The following ZNF318 variants were observed in gnomAD, a reference collection of about 807,000 sequenced individuals.
The protein encoded by ZNF318 is zinc finger protein 318.
ZNF318 carries 51 observed loss-of-function variants against 124.2 expected under a neutral mutation model. The observed-to-expected ratio is 0.41, with a 90% CI of 0.33 to 0.52. ZNF318 has a LOEUF of 0.52. ZNF318 is among the 20% of genes least tolerant of loss of function. ZNF318 has a pLI of 0.23. For missense variants in ZNF318, 2,815 were observed against 2,811.2 expected, an observed-to-expected ratio of 1.00 and a Z score of -0.03; for synonymous variants, 1,090 against 1,040.7, an observed-to-expected ratio of 1.05 and a Z score of -0.91.
intron 2 of ZNF318, among the ~76,000 whole-genome samples, chr6:43,365,028 C>G (rs898590408): frequency 6.6e-6 from 1 of 152,138 alleles, no homozygotes; most frequent in Non-Finnish European, 1.5e-5. Context: ...TGATTATGTC[C>G]CCTCAGCCTC....
At position 43,356,711 on chromosome 6, in the gene ZNF318, A is replaced by G. The variant is rs562649001; in HGVS notation, c.1188+415T>C. Among the ~76,000 whole-genome samples, 23 of 152,260 alleles carry G rather than the reference A, an allele frequency of 1.5e-4. No individual in the cohort carries two copies. In the South Asian group the frequency reaches 4.4e-3, roughly 29 times the overall value. On this transcript the variant is annotated intron_variant, in intron 3 of 9. Transcript: ENST00000361428. ...AAGTTGGTGGCAGAAGTGGGTCCAA[A>G]ATCAGAATCATCTGATTTCTAGTCC...
intron 1 of ZNF318, 93 bp from the exon 2 acceptor site, chr6:43,365,533 A>G: frequency 7.5e-7 from 1 of 1,326,550 alleles, no homozygotes; most frequent in Non-Finnish European, 1.0e-6. Context: ...TTAGCCAGGC[A>G]TGGTGGCTCA....
Position 43,369,349 on chromosome 6 carries a change from G to A in ZNF318, c.17C>T (p.Ala6Val). 7.5e-7 allele frequency: 1 copy of A among 1,333,760 alleles called. No individual in the cohort carries two copies. The highest frequency in any genetic ancestry group is 9.7e-7 in the Non-Finnish European group (1 of 1,034,796). 82.6% of individuals were successfully genotyped at this position (1,333,760 alleles called of 1,614,324 possible). MYRSSARSSVSSHRPK... is the reference protein window; with the variant it reads MYRSSVRSSVSSHRPK... ...CCGGTGGGAAGAGACGGAGGAGCGAGCGCTGCTGCGGTACATGGTTCTTGC... is the reference window on the plus strand; with the variant it reads ...CCGGTGGGAAGAGACGGAGGAGCGAACGCTGCTGCGGTACATGGTTCTTGC... The change falls in exon 1 of 10, where the codon GCT becomes GTT. Residue 6 changes from alanine to valine, a missense_variant. Ala to Val is a moderately conservative substitution (Grantham distance 64). Around this residue, in one of 4 missense-constraint regions of ZNF318, gnomAD observed 1,377 missense variants for 1,353.5 expected, o/e 1.02. Coordinates refer to ENST00000361428, the MANE Select transcript of ZNF318 (RefSeq NM_014345.3).
At chr6:43,365,547 C>CA in intron 1 of ZNF318, 107 bp from the exon 2 acceptor site, 3 of 1,160,656 alleles carry the variant, frequency 2.6e-6, no homozygotes, top group Non-Finnish European at 3.6e-6. Flanking sequence ...TGGCTCATGC[C>CA]TGTATACCCA....
At position 43,339,021 on chromosome 6, in the gene ZNF318, T is replaced by C. The variant is rs192331212; in HGVS notation, c.4977A>G (p.Val1659=). 261 of 1,614,222 alleles carry C rather than the reference T, an allele frequency of 1.6e-4. 6 individuals carry two copies. The East Asian group carries it at 4.2e-3, about 26-fold the overall frequency. Reference sequence around the variant, plus strand: ...CTGTGCTTTTTGGGCCTACATGTTCTACAACTGACCATTTCCCTAGGGCCA... The same window carrying C: ...CTGTGCTTTTTGGGCCTACATGTTCCACAACTGACCATTTCCCTAGGGCCA... ...TLVALGKWSV[V]EHVGPKSTGS... is the part of the protein sequence containing the mutation. Residue 1659 remains valine, a synonymous_variant, in exon 10 of 10, where the codon GTA becomes GTG. Coordinates refer to ENST00000361428, the MANE Select transcript of ZNF318 (RefSeq NM_014345.3). The surrounding 1 kb of genome is among the most constrained non-coding windows in gnomAD (Gnocchi z 4.2).
intron 4 of ZNF318, among the ~76,000 whole-genome samples, chr6:43,353,380 T>TC (rs1046516443): frequency 9.8e-6 from 1 of 102,264 alleles, no homozygotes; most frequent in Non-Finnish European, 1.9e-5. Flanking sequence ...TCAGAACTTT[T>TC]TTTTTTTTTT....
chr6:43,356,966 C>T (rs1276885325), intron 3 of ZNF318, among the ~76,000 whole-genome samples, 160 bp downstream of exon 3: 2 of 152,134 alleles, frequency 1.3e-5, no homozygotes, highest in Non-Finnish European at 2.9e-5. Context: ...CATTAAAAGG[C>T]CTACAGTTTC....
Position 43,348,528 on chromosome 6 carries a change from A to C in ZNF318, c.2868T>G (p.Ile956Met). ...SRLQDNIMKD[I>M]AELRQEAEEA... Reference sequence around the variant, plus strand: ...CTTCTGCCTCTTGCCGTAGCTCTGCAATGTCCTTCATAATGTTATCCTGAA... The same window carrying C: ...CTTCTGCCTCTTGCCGTAGCTCTGCCATGTCCTTCATAATGTTATCCTGAA... Residue 956 changes from isoleucine to methionine, a missense_variant, in exon 6 of 10, where the codon ATT (isoleucine) becomes ATG (methionine). By Grantham distance (10) the Ile-to-Met change is conservative (BLOSUM62 1). Coordinates refer to ENST00000361428, the MANE Select transcript of ZNF318 (RefSeq NM_014345.3). The C allele has an allele frequency of 6.2e-7, 1 of 1,614,148 alleles. No homozygotes were observed. The highest frequency in any genetic ancestry group is 8.5e-7 in the Non-Finnish European group (1 of 1,180,026).
chr6:43,343,685 C>T (rs767391149), intron 6 of ZNF318, among the ~76,000 whole-genome samples: 1 of 151,704 alleles, frequency 6.6e-6, no homozygotes, highest in Non-Finnish European at 1.5e-5. Context: ...AAAAATTACC[C>T]GGGCATGGTG....
At chr6:43,364,690 C>T (rs1465943793) in intron 2 of ZNF318, among the ~76,000 whole-genome samples, 12 of 152,172 alleles carry the variant, frequency 7.9e-5, no homozygotes, top group Admixed American at 7.8e-4. Context: ...TGGTTAAGTT[C>T]CTAGTACCTG....
At chr6:43,368,052 T>A (rs1779785870) in intron 1 of ZNF318, among the ~76,000 whole-genome samples, 2 of 152,162 alleles carry the variant, frequency 1.3e-5, no homozygotes, top group South Asian at 4.1e-4. Flanking sequence ...AAAAGATTGA[T>A]GAACTAAAAA....
intron 8 of ZNF318, among the ~76,000 whole-genome samples, chr6:43,341,891 G>T (rs188212424): frequency 6.6e-6 from 1 of 152,280 alleles, no homozygotes; most frequent in Non-Finnish European, 1.5e-5. Flanking sequence ...TTTAACATCT[G>T]TGAATAGATT....
chr6:43,342,129 A>G lies in ZNF318; in HGVS notation c.3359T>C (p.Ile1120Thr), dbSNP rs1267880248. The G allele has an allele frequency of 6.2e-7, 1 of 1,614,030 alleles. No individual in the cohort carries two copies. The highest frequency in any genetic ancestry group is 1.3e-5 in the African/African-American group (1 of 74,920). The change falls in exon 8 of 10, where the codon ATA becomes ACA. Residue 1120 changes from isoleucine (I) to threonine (T), a missense_variant. Physicochemically the swap from Ile to Thr is moderately conservative, Grantham distance 89. Transcript: ENST00000361428. ...AAACATACCTTTTGCAGGAACAGTT[A>G]TCTTGTCAGTGCGCTTTATGGCATC... Reference protein sequence around the residue: ...KQDAIKRTDKITVPAKGSEFL... With the variant: ...KQDAIKRTDKTTVPAKGSEFL...
At chr6:43,363,904 C>A in intron 2 of ZNF318, 1 of 687,308 alleles carries the variant, frequency 1.5e-6, no homozygotes, top group Non-Finnish European at 2.6e-6. Context: ...CTCCATTCTC[C>A]CTGTGCACAG....
Position 43,369,353 on chromosome 6 carries a change from T to C in ZNF318, c.13A>G (p.Ser5Gly). The C allele has an allele frequency of 7.5e-7, 1 of 1,325,656 alleles. No homozygotes were observed. The highest frequency in any genetic ancestry group is 9.7e-7 in the Non-Finnish European group (1 of 1,030,836). 82.1% of individuals were successfully genotyped at this position (1,325,656 alleles called of 1,614,324 possible). MYRS[S>G]ARSSVSSHRP... ...TGGGAAGAGACGGAGGAGCGAGCGCTGCTGCGGTACATGGTTCTTGCAGCG... is the reference window on the plus strand; with the variant it reads ...TGGGAAGAGACGGAGGAGCGAGCGCCGCTGCGGTACATGGTTCTTGCAGCG... The change falls in exon 1 of 10, where the codon AGC becomes GGC. Residue 5 changes from serine to glycine, a missense_variant. By Grantham distance (56) the Ser-to-Gly change is moderately conservative. Transcript: ENST00000361428.
intron 2 of ZNF318, among the ~76,000 whole-genome samples, chr6:43,359,734 A>G (rs1328699823): frequency 2.0e-5 from 3 of 152,210 alleles, no homozygotes; most frequent in Non-Finnish European, 4.4e-5. Flanking sequence ...TTGTAGACCT[A>G]GGAATAAATT....
Position 43,337,164 on chromosome 6 carries a change from G to C in ZNF318, c.6834C>G (p.His2278Gln). The change falls in exon 10 of 10, where the codon CAC (histidine) becomes CAG (glutamine). Residue 2278 changes from histidine to glutamine, a missense_variant. This residue lies in a region of ZNF318 where 927 missense variants were observed against 820.6 expected (regional missense o/e 1.13). Coordinates refer to ENST00000361428, the MANE Select transcript of ZNF318 (RefSeq NM_014345.3). ...TAGCTCTAGGTATTTATTCTTAGTT[G>C]TGAACACTGGATTCTGTGTGGTCCT... ...AIQDHTESSV[H>Q]N 6.3e-7 allele frequency: 1 copy of C among 1,582,992 alleles called. No homozygotes were observed. The highest frequency in any genetic ancestry group is 2.2e-5 in the East Asian group (1 of 44,510).
chr6:43,360,891 A>G (rs77688577), intron 2 of ZNF318, among the ~76,000 whole-genome samples: 8,771 of 152,292 alleles, frequency 0.058, 332 homozygotes, highest in Admixed American at 0.088. Flanking sequence ...GCAAATCTAT[A>G]GAGACAGAAA....
chr6:43,350,738 A>G (rs1307561701), intron 5 of ZNF318, among the ~76,000 whole-genome samples: 1 of 152,120 alleles, frequency 6.6e-6, no homozygotes, highest in Middle Eastern at 3.4e-3. Flanking sequence ...TGAGCCAGGA[A>G]GCGAGGCTGC....
Sources: allele counts gnomAD v4.1 joint callset (sites outside exome capture counted in the v4.1 genomes callset), GRCh38; gene constraint gnomAD v4.1.1; regional missense constraint gnomAD v4.1.1; non-coding constraint Gnocchi (gnomAD v3.1); transcripts MANE v1.5; gene names NCBI Gene and HGNC (gene_info 2026-07-23, HGNC 2026-07-21).